SAMM50: variants seen among roughly 807,000 people sequenced by gnomAD.
SAMM50 encodes the protein sorting and assembly machinery component 50 homolog.
A neutral mutation model predicts 66.9 loss-of-function variants in SAMM50; 47 were observed. That is an observed-to-expected ratio of 0.70 (90% CI 0.56 to 0.90). The LOEUF is 0.90. Ranked by LOEUF, SAMM50 falls within the 40% of genes least tolerant of loss-of-function variation. The pLI, the probability that SAMM50 is intolerant of heterozygous loss-of-function variation, is 0.00. For missense variants in SAMM50, 535 were observed against 595.3 expected (o/e 0.90, Z 1.05); for synonymous variants, 191 against 214.1 (o/e 0.89, Z 0.94).
intron 14 of SAMM50, 42 bp downstream of exon 14, chr22:43,990,448 C>G (rs1296452277): frequency 7.6e-6 from 12 of 1,586,864 alleles, no homozygotes; most frequent in Non-Finnish European, 1.0e-5. Flanking sequence ...ATCCCACTCT[C>G]CAGTAATTTT....
chr22:43,978,244 C>G (rs2050243332), intron 10 of SAMM50, among the ~76,000 whole-genome samples: 1 of 151,660 alleles, frequency 6.6e-6, no homozygotes, highest in Non-Finnish European at 1.5e-5. Context: ...GAGATCGAGA[C>G]CATCCTGGCT....
At chr22:43,966,569 T>C (rs1413753839) in intron 3 of SAMM50, among the ~76,000 whole-genome samples, 2 of 152,004 alleles carry the variant, frequency 1.3e-5, no homozygotes, top group Non-Finnish European at 1.5e-5. Context: ...ATGGCCAGGC[T>C]CGATTTGAAC....
Position 43,962,881 on chromosome 22 carries a change from A to ATTTTTTTTTTTT in SAMM50, c.22-383_22-372dup, listed in dbSNP as rs58022542. On this transcript the variant is annotated intron_variant, in intron 1 of 14. Transcript: ENST00000350028. ...GATTTGTGCGTGACCCTTTTGGTTA[A>ATTTTTTTTTTTT]TTTTTTTTTTTTTTTTTTTTTTTTT... 2.1e-4 allele frequency among the ~76,000 whole-genome samples: 14 copies of ATTTTTTTTTTTT among 65,518 alleles called. 3 individuals carry two copies. Among genetic ancestry groups the ATTTTTTTTTTTT allele is most frequent in the Admixed American group, 3.9e-4 (2 of 5,076 alleles). The allele number at this position is 65,518 out of a possible 152,430, so 43.0% of individuals were successfully genotyped here. A position where few individuals can be genotyped will look rare whatever the true frequency, so the allele number is the denominator to read the frequency against.
intron 3 of SAMM50, among the ~76,000 whole-genome samples, chr22:43,965,948 C>T (rs2050170998): frequency 6.6e-6 from 1 of 152,154 alleles, no homozygotes; most frequent in Non-Finnish European, 1.5e-5. Context: ...AAGCAATCCT[C>T]CCACCTCAGC....
chr22:43,976,755 C>A lies in SAMM50; in HGVS notation c.783C>A (p.Ala261=). ...GHSLKSSLSH[A]MVIDSRNSSI... ...CCCATTCAAATTTCTTTCAGCACGCCATGGTCATCGATTCTCGGAATTCTT... is the reference window on the plus strand; with the variant it reads ...CCCATTCAAATTTCTTTCAGCACGCAATGGTCATCGATTCTCGGAATTCTT... Residue 261 remains alanine (A), a synonymous_variant, in exon 9 of 15, where the codon GCC becomes GCA. Transcript: ENST00000350028. 6.2e-7 allele frequency: 1 copy of A among 1,610,884 alleles called. No homozygotes were observed. The highest frequency in any genetic ancestry group is 1.1e-5 in the South Asian group (1 of 90,656).
At position 43,973,314 on chromosome 22, in the gene SAMM50, T is replaced by C; in HGVS notation, c.639T>C (p.Ala213=). 3.1e-6 allele frequency: 5 copies of C among 1,589,218 alleles called. No individual in the cohort carries two copies. The highest frequency in any genetic ancestry group is 4.3e-6 in the Non-Finnish European group (5 of 1,157,358). Residue 213 remains alanine, a synonymous_variant, in exon 7 of 15, where the codon GCT becomes GCC. Transcript: ENST00000350028. ...GGGAGACGGACAGAGGAATGTCAGC[T>C]GAGTACAGTGTGAGTAGCATTTCAG... ...SLRETDRGMS[A]EYSFPIWKTS...
intron 3 of SAMM50, among the ~76,000 whole-genome samples, chr22:43,967,720 G>A (rs139704706): frequency 5.1e-4 from 63 of 123,332 alleles, no homozygotes; most frequent in African/African-American, 2.1e-3. Context: ...CCTGCTGACA[G>A]TTCTACAGTG....
At chr22:43,966,497 A>G (rs2050174054) in intron 3 of SAMM50, among the ~76,000 whole-genome samples, 1 of 152,118 alleles carries the variant, frequency 6.6e-6, no homozygotes, top group Admixed American at 6.5e-5. Flanking sequence ...AGCTGGGATT[A>G]CAGGTGCACA....
At chr22:43,976,605 C>T (rs2146817469) in intron 8 of SAMM50, 145 bp from the exon 9 acceptor site, 14 of 669,624 alleles carry the variant, frequency 2.1e-5, no homozygotes, top group South Asian at 1.8e-4. Flanking sequence ...GACAGTCACC[C>T]TCACTTCCTC....
intron 14 of SAMM50, among the ~76,000 whole-genome samples, chr22:43,996,006 C>T (rs1236191844): frequency 1.3e-5 from 2 of 152,202 alleles, no homozygotes. Flanking sequence ...CGGCTCCTTC[C>T]CTCCCTGCTC....
chr22:43,964,711 C>T (rs967599202), intron 3 of SAMM50, among the ~76,000 whole-genome samples, 158 bp downstream of exon 3: 4 of 152,148 alleles, frequency 2.6e-5, no homozygotes, highest in Non-Finnish European at 5.9e-5. Context: ...CTGAACCCCC[C>T]GAATTCCTGT....
At position 43,960,773 on chromosome 22, in the gene SAMM50, C is replaced by T. The variant is rs116717209; in HGVS notation, c.22-2513C>T. On this transcript the variant is annotated intron_variant, in intron 1 of 14. Transcript: ENST00000350028. ...AAGGGGTACCTGTGAAGGTCACAGACTTCAAGTATCAAGAGGTGTCCCTGT... is the reference window on the plus strand; with the variant it reads ...AAGGGGTACCTGTGAAGGTCACAGATTTCAAGTATCAAGAGGTGTCCCTGT... 7.0e-3 allele frequency among the ~76,000 whole-genome samples: 1,059 copies of T among 152,238 alleles called. 8 individuals are homozygous for T. Among genetic ancestry groups the T allele is most frequent in the African/African-American group, 0.024 (1,014 of 41,550 alleles).
chr22:43,973,251 A>G lies in SAMM50; in HGVS notation c.576A>G (p.Leu192=), dbSNP rs757079940. 4 of 1,599,762 alleles carry G rather than the reference A, an allele frequency of 2.5e-6. No homozygotes were observed. In the South Asian group the frequency reaches 3.3e-5, roughly 13 times the overall value. Residue 192 remains leucine, a synonymous_variant, in exon 7 of 15, where the codon TTA becomes TTG. Transcript: ENST00000350028. ...GNFERNFSVN[L]YKVTGQFPWS... The stretch of plus-strand genomic sequence containing the variant: ...TGTCTCCTAGTTTCTCTGTAAACTT[A>G]TATAAAGTTACTGGACAGTTCCCTT...
chr22:43,978,576 TC>T (rs1383234216), intron 10 of SAMM50, among the ~76,000 whole-genome samples: 1 of 151,800 alleles, frequency 6.6e-6, no homozygotes, highest in Non-Finnish European at 1.5e-5. Context: ...GAAATGCTGT[TC>T]CGTGGACCTT....
chr22:43,962,012 G>A (rs983447810), intron 1 of SAMM50, among the ~76,000 whole-genome samples: 1 of 152,062 alleles, frequency 6.6e-6, no homozygotes, highest in Admixed American at 6.6e-5. Context: ...GTGTGTGTGT[G>A]TGTATGTGAT....
chr22:43,957,234 G>C (rs2050124219), intron 1 of SAMM50: 7 of 666,098 alleles, frequency 1.1e-5, no homozygotes, highest in Admixed American at 2.3e-5. Context: ...TCTGGGGAAA[G>C]GTAACTCGGG....
chr22:43,985,459 T>C (rs2050287442), intron 12 of SAMM50, among the ~76,000 whole-genome samples: 1 of 152,072 alleles, frequency 6.6e-6, no homozygotes, highest in Admixed American at 6.5e-5. Flanking sequence ...GTTTGTAGCC[T>C]TTTCAAGTTG....
At chr22:43,988,039 G>C (rs1345026158) in intron 12 of SAMM50, 1 of 152,054 alleles carries the variant, frequency 6.6e-6, no homozygotes, top group East Asian at 1.9e-4. Context: ...ATTTCTGAAT[G>C]GTAGAAATTA....
intron 4 of SAMM50, among the ~76,000 whole-genome samples, chr22:43,970,013 T>A (rs368465282): frequency 6.6e-6 from 1 of 152,146 alleles, no homozygotes; most frequent in African/African-American, 2.4e-5. Context: ...TAAGACAATA[T>A]AGGAAAATGC....
Sources: gnomAD v4.1 joint callset for allele counts (sites outside exome capture counted in the v4.1 genomes callset) on GRCh38, gnomAD v4.1.1 for gene constraint, MANE v1.5 for transcripts, NCBI Gene and HGNC (gene_info 2026-07-23, HGNC 2026-07-21) for gene names.